The following RIPK2 variants were observed in gnomAD, a reference collection of about 807,000 sequenced individuals.
RIPK2 encodes receptor-interacting serine/threonine-protein kinase 2.
A neutral mutation model predicts 60.9 loss-of-function variants in RIPK2; 38 were observed. That is an observed-to-expected ratio of 0.62 (90% CI 0.48 to 0.82). RIPK2 has a LOEUF of 0.82. Ranked by LOEUF, RIPK2 falls within the 40% of genes least tolerant of loss-of-function variation. RIPK2 has a pLI of 0.00. For synonymous variants in RIPK2, 225 were observed against 223.4 expected (o/e 1.01, Z -0.06); for missense variants, 518 against 647.0 (o/e 0.80, Z 2.16).
rs962378216 is a variant in RIPK2, at chr8:89,780,041, C to T, written c.854-34C>T. ...TTTCACTTTAATACTTAGAAGCAAT[C>T]TGAACTCAACCTGTATTTTTTTCTC... On this transcript the variant is annotated intron_variant, in intron 6 of 10. Coordinates refer to ENST00000220751, the MANE Select transcript of RIPK2 (RefSeq NM_003821.6). 6 of 1,077,792 alleles carry T rather than the reference C, an allele frequency of 5.6e-6. No individual in the cohort carries two copies. In the African/African-American group the frequency reaches 9.6e-5, roughly 17 times the overall value. 66.8% of individuals were successfully genotyped at this position (1,077,792 alleles called of 1,614,324 possible).
Position 89,758,246 on chromosome 8 carries a change from T to G in RIPK2, c.173+13T>G. The G allele has an allele frequency of 6.3e-7, 1 of 1,586,592 alleles. No homozygotes were observed. Among genetic ancestry groups the G allele is most frequent in the Non-Finnish European group, 8.6e-7 (1 of 1,167,080 alleles). On this transcript the variant is annotated intron_variant, in intron 1 of 10. Coordinates refer to ENST00000220751, the MANE Select transcript of RIPK2 (RefSeq NM_003821.6). ...CGCTGCTCGACAGGTAGGCAGTCACTGGGGTTCCCTGGAAGAGCCCTCAAC... is the reference window on the plus strand; with the variant it reads ...CGCTGCTCGACAGGTAGGCAGTCACGGGGGTTCCCTGGAAGAGCCCTCAAC...
chr8:89,763,057 T>C, intron 2 of RIPK2, 75 bp downstream of exon 2: 1 of 984,424 alleles, frequency 1.0e-6, no homozygotes. Context: ...TGATTTTATA[T>C]TTGGTCAGAT....
At chr8:89,778,508 C>T (rs564651619) in intron 6 of RIPK2, among the ~76,000 whole-genome samples, 2 of 152,170 alleles carry the variant, frequency 1.3e-5, no homozygotes, top group Admixed American at 6.5e-5. Flanking sequence ...GTAATCTATT[C>T]TCTGTCTTTC....
In RIPK2 at chr8:89,784,126, A is replaced by G; in HGVS notation, c.1016A>G (p.His339Arg). ...MELSLNIPVN[H>R]GPQEESCGSS... ...TTATCTCTGAACATACCTGTAAATC[A>G]TGGTCCACAAGAGGTAAAAAAAAAA... The change falls in exon 8 of 11, where the codon CAT (histidine) becomes CGT (arginine). Residue 339 changes from histidine to arginine, a missense_variant. This residue lies in a region of RIPK2 where 448 missense variants were observed against 534.7 expected (regional missense o/e 0.84). Transcript: ENST00000220751. 2 of 1,299,554 alleles carry G rather than the reference A, an allele frequency of 1.5e-6. No individual in the cohort carries two copies. The highest frequency in any genetic ancestry group is 1.6e-5 in the African/African-American group (1 of 60,842). The allele number at this position is 1,299,554 out of a possible 1,614,324, so 80.5% of individuals were successfully genotyped here.
Position 89,758,253 on chromosome 8 carries a change from C to A in RIPK2, c.173+20C>A. ...CGACAGGTAGGCAGTCACTGGGGTT[C>A]CCTGGAAGAGCCCTCAACTCCTGCA... On this transcript the variant is annotated intron_variant, in intron 1 of 10. Coordinates refer to ENST00000220751, the MANE Select transcript of RIPK2 (RefSeq NM_003821.6). 1 of 1,581,116 alleles carries A rather than the reference C, an allele frequency of 6.3e-7. No individual in the cohort carries two copies. The highest frequency in any genetic ancestry group is 8.6e-7 in the Non-Finnish European group (1 of 1,164,326).
At chr8:89,775,862 A>C (rs532539842) in intron 6 of RIPK2, among the ~76,000 whole-genome samples, 1 of 152,298 alleles carries the variant, frequency 6.6e-6, no homozygotes, top group African/African-American at 2.4e-5. Context: ...GATAAAGTAC[A>C]ATGCCTATTA....
intron 6 of RIPK2, among the ~76,000 whole-genome samples, chr8:89,779,522 G>C (rs1400112656): frequency 6.6e-6 from 1 of 151,858 alleles, no homozygotes; most frequent in Non-Finnish European, 1.5e-5. Flanking sequence ...GGGTTTCACT[G>C]TGTTAGCCAG....
At chr8:89,777,430 TATA>T (rs1299624444) in intron 6 of RIPK2, among the ~76,000 whole-genome samples, 49 of 152,226 alleles carry the variant, frequency 3.2e-4, no homozygotes, top group Admixed American at 2.9e-3. Context: ...GATTTGTAAA[TATA>T]ATGCTGATGA....
At chr8:89,789,670 A>G (rs1172644279) in intron 10 of RIPK2, among the ~76,000 whole-genome samples, 188 bp downstream of exon 10, 1 of 152,218 alleles carries the variant, frequency 6.6e-6, no homozygotes, top group Admixed American at 6.5e-5. Context: ...TTCTATGAAC[A>G]TCTAAATAGG....
intron 7 of RIPK2, 92 bp downstream of exon 7, chr8:89,780,252 T>C (rs193219179): frequency 6.8e-4 from 444 of 649,760 alleles, no homozygotes; most frequent in Non-Finnish European, 1.0e-3. Flanking sequence ...TTTTAATATA[T>C]ATACTTTACA....
Position 89,790,554 on chromosome 8 carries a change from A to G in RIPK2, c.*138A>G, listed in dbSNP as rs2130595692. On this transcript the variant is annotated 3_prime_UTR_variant, in exon 11 of 11. Transcript: ENST00000220751. ...GGGTAAATATTAGTCTCCCTCCATG[A>G]CACTGCAGTATTTTTTTTAATTAAT... 6.9e-6 allele frequency: 4 copies of G among 576,684 alleles called. No homozygotes were observed. Among genetic ancestry groups the G allele is most frequent in the Non-Finnish European group, 2.9e-6 (1 of 342,322 alleles). The allele number at this position is 576,684 out of a possible 1,614,324, so 35.7% of individuals were successfully genotyped here. A position where few individuals can be genotyped will look rare whatever the true frequency, so the allele number is the denominator to read the frequency against.
chr8:89,758,779 AG>A (rs1382546105), intron 1 of RIPK2, among the ~76,000 whole-genome samples: 1 of 152,246 alleles, frequency 6.6e-6, no homozygotes, highest in Non-Finnish European at 1.5e-5. Context: ...TATTAAAAAA[AG>A]AACTTATAAT....
intron 3 of RIPK2, among the ~76,000 whole-genome samples, chr8:89,769,234 T>G (rs1197007439): frequency 1.3e-5 from 2 of 151,896 alleles, no homozygotes; most frequent in Non-Finnish European, 1.5e-5. Context: ...ATACTTCTTT[T>G]AGTGATCAGC....
chr8:89,759,668 T>C (rs1809113168), intron 1 of RIPK2, among the ~76,000 whole-genome samples: 1 of 152,228 alleles, frequency 6.6e-6, no homozygotes. Context: ...CTCCAGGCCT[T>C]ATATTCTGTG....
intron 3 of RIPK2, among the ~76,000 whole-genome samples, chr8:89,768,827 G>A (rs1481709977): frequency 6.6e-6 from 1 of 151,446 alleles, no homozygotes; most frequent in Non-Finnish European, 1.5e-5. Context: ...TAAAAATTAT[G>A]TATTTTGTTA....
Position 89,790,614 on chromosome 8 carries a change from A to T in RIPK2, c.*198A>T. 2.2e-6 allele frequency: 1 copy of T among 446,232 alleles called. No homozygotes were observed. Among genetic ancestry groups the T allele is most frequent in the Non-Finnish European group, 3.9e-6 (1 of 253,560 alleles). 27.6% of individuals were successfully genotyped at this position (446,232 alleles called of 1,614,324 possible). A position where few individuals can be genotyped will look rare whatever the true frequency, so the allele number is the denominator to read the frequency against. On this transcript the variant is annotated 3_prime_UTR_variant, in exon 11 of 11. Transcript: ENST00000220751. ...AAGTTTGAATTTTGCTACATAGTTC[A>T]ATTTTTATGTCTCTTTTGTTAACAG...
At position 89,769,813 on chromosome 8, in the gene RIPK2, C is replaced by T; in HGVS notation, c.525C>T (p.Leu175=). 6.2e-7 allele frequency: 1 copy of T among 1,609,592 alleles called. No individual in the cohort carries two copies. Among genetic ancestry groups the T allele is most frequent in the Non-Finnish European group, 8.5e-7 (1 of 1,177,408 alleles). The change falls in exon 4 of 11, where the codon CTC becomes CTT. Residue 175 remains leucine (L), a synonymous_variant. Transcript: ENST00000220751. The stretch of plus-strand genomic sequence containing the variant: ...TATCAAAGTGGCGCATGATGTCCCT[C>T]TCACAGTCACGAAGTAGCAAATCTG... ...FGLSKWRMMS[L]SQSRSSKSAP...
intron 10 of RIPK2, 39 bp from the exon 11 acceptor site, chr8:89,790,040 C>T (rs199809350): frequency 2.4e-5 from 35 of 1,442,178 alleles, no homozygotes; most frequent in Middle Eastern, 1.8e-4. Context: ...ATGTATCTGT[C>T]CTCACCTTTT....
At chr8:89,776,773 G>T (rs1008199477) in intron 6 of RIPK2, among the ~76,000 whole-genome samples, 2 of 151,986 alleles carry the variant, frequency 1.3e-5, no homozygotes, top group African/African-American at 2.4e-5. Context: ...AGTTTGGGCC[G>T]TTAATTTAGA....
Sources: gnomAD v4.1 joint callset for allele counts (sites outside exome capture counted in the v4.1 genomes callset) on GRCh38, gnomAD v4.1.1 for gene constraint, gnomAD v4.1.1 regional missense constraint, MANE v1.5 for transcripts, NCBI Gene and HGNC (gene_info 2026-07-23, HGNC 2026-07-21) for gene names.